TTLL11: variants seen among roughly 807,000 people sequenced by gnomAD.
The protein encoded by TTLL11 is tubulin tyrosine ligase like 11.
In TTLL11, 42 loss-of-function variants were observed where a neutral mutation model predicts 51.7. The observed-to-expected ratio is 0.81, with a 90% CI of 0.64 to 1.05. TTLL11 has a LOEUF of 1.05. Ranked by LOEUF, TTLL11 falls within the 50% of genes least tolerant of loss-of-function variation. The probability of loss-of-function intolerance (pLI) is 0.00; values close to 1 mark genes in which losing one functional copy is unlikely to be tolerated. For missense variants in TTLL11, 799 were observed against 940.4 expected (o/e 0.85, Z 1.97); for synonymous variants, 381 against 383.5 (o/e 0.99, Z 0.08).
At chr9:121,844,226 A>G (rs572815042) in intron 8 of TTLL11, among the ~76,000 whole-genome samples, 5 of 152,144 alleles carry the variant, frequency 3.3e-5, no homozygotes, top group Non-Finnish European at 5.9e-5. Flanking sequence ...GTGGATTCCA[A>G]TTGAGAGAGA....
At chr9:122,069,268 C>A (rs1467677256) in intron 1 of TTLL11, among the ~76,000 whole-genome samples, 1 of 152,136 alleles carries the variant, frequency 6.6e-6, no homozygotes, top group Admixed American at 6.5e-5. Context: ...GTGGGAGACT[C>A]CCCGAGTACT....
chr9:122,029,467 G>A (rs1245699552), intron 3 of TTLL11, among the ~76,000 whole-genome samples: 3 of 152,032 alleles, frequency 2.0e-5, no homozygotes, highest in Non-Finnish European at 2.9e-5. Context: ...CCTAGGCGAA[G>A]GTATGTGTTT....
At chr9:121,979,454 C>A (rs7855227) in intron 4 of TTLL11, among the ~76,000 whole-genome samples, 55,682 of 152,086 alleles carry the variant, frequency 0.37, 10,875 homozygotes, top group African/African-American at 0.48. Flanking sequence ...CAATAGATAA[C>A]AAATACACCA....
In TTLL11 at chr9:121,818,158, C is replaced by A. The variant is rs1836465236; in HGVS notation, c.*4429G>T. ...AGGGGTGTTGGTGAGGACTGCCCAG[C>A]CTGGTGTCCTGTCTGTGAGATTGAA... On this transcript the variant is annotated 3_prime_UTR_variant, in exon 9 of 9. Coordinates refer to ENST00000321582, the MANE Select transcript of TTLL11 (RefSeq NM_001139442.2). 1 of 152,450 alleles carries A rather than the reference C, an allele frequency of 6.6e-6. No individual in the cohort carries two copies. The highest frequency in any genetic ancestry group is 6.5e-5 in the Admixed American group (1 of 15,268). The allele number at this position is 152,450 out of a possible 1,614,324, so 9.4% of individuals were successfully genotyped here. A position where few individuals can be genotyped will look rare whatever the true frequency, so the allele number is the denominator to read the frequency against.
At chr9:121,925,339 C>T (rs1263918766) in intron 6 of TTLL11, among the ~76,000 whole-genome samples, 5 of 152,370 alleles carry the variant, frequency 3.3e-5, no homozygotes, top group African/African-American at 1.2e-4. Context: ...GAGTCCCAGG[C>T]TCCCAGGCTA....
chr9:122,015,807 C>CAAAAAAAAAAAAAAAA (rs11297849), intron 3 of TTLL11, among the ~76,000 whole-genome samples: 5 of 94,492 alleles, frequency 5.3e-5, no homozygotes, highest in African/African-American at 1.9e-4. Context: ...TCAAAAGAGA[C>CAAAAAAAAAAAAAAAA]AAAAAAAAAA....
At chr9:122,069,541 G>A (rs1273077843) in intron 1 of TTLL11, among the ~76,000 whole-genome samples, 2 of 152,188 alleles carry the variant, frequency 1.3e-5, no homozygotes, top group Non-Finnish European at 2.9e-5. Context: ...AATTATCTGG[G>A]TGTGGTGGAG....
intron 1 of TTLL11, among the ~76,000 whole-genome samples, chr9:122,066,586 A>T (rs1845590490): frequency 1.3e-5 from 2 of 152,212 alleles, no homozygotes; most frequent in Non-Finnish European, 2.9e-5. Flanking sequence ...TGGGGCCATA[A>T]CAGACATGAC....
chr9:121,880,333 C>T (rs1020453258), intron 6 of TTLL11, among the ~76,000 whole-genome samples: 10 of 152,282 alleles, frequency 6.6e-5, no homozygotes, highest in Non-Finnish European at 1.2e-4. Flanking sequence ...CCTCCCTCAT[C>T]CTCCACATCC....
intron 7 of TTLL11, among the ~76,000 whole-genome samples, chr9:121,863,800 G>A (rs945802818): frequency 5.3e-5 from 8 of 152,206 alleles, no homozygotes; most frequent in South Asian, 2.1e-4. Context: ...TCAATGAAGC[G>A]TATGCTGAGG....
At chr9:121,914,316 G>C (rs77204375) in intron 6 of TTLL11, among the ~76,000 whole-genome samples, 1 of 152,156 alleles carries the variant, frequency 6.6e-6, no homozygotes, top group Non-Finnish European at 1.5e-5. Context: ...GCCTAAGCTA[G>C]TTCCTATCAA....
At chr9:121,971,743 T>A (rs1842583370) in intron 6 of TTLL11, among the ~76,000 whole-genome samples, 1 of 55,022 alleles carries the variant, frequency 1.8e-5, no homozygotes, top group Non-Finnish European at 5.1e-5. Context: ...TCCTCTGCCT[T>A]GGGAAAAAAA....
rs189258625 is a variant in TTLL11, at chr9:122,009,799, G to T, written c.694-20029C>A. On this transcript the variant is annotated intron_variant, in intron 3 of 8. Transcript: ENST00000321582. ...TAATAGAGATGTACTAATTTCAAGG[G>T]GTTATATGAATCCATTCCATGATTT... is the stretch of plus-strand genomic sequence containing the variant. Among the ~76,000 whole-genome samples the T allele has an allele frequency of 2.7e-3, 406 of 151,782 alleles. 2 individuals are homozygous for T. The highest frequency in any genetic ancestry group is 9.3e-3 in the African/African-American group (385 of 41,426).
intron 8 of TTLL11, among the ~76,000 whole-genome samples, chr9:121,848,697 AAG>A (rs2131365636): frequency 6.6e-6 from 1 of 152,334 alleles, no homozygotes; most frequent in African/African-American, 2.4e-5. Context: ...GTATAAATCT[AAG>A]AGAATATGTG....
At chr9:122,060,025 C>T (rs1845399852) in intron 1 of TTLL11, among the ~76,000 whole-genome samples, 1 of 152,216 alleles carries the variant, frequency 6.6e-6, no homozygotes, top group African/African-American at 2.4e-5. Flanking sequence ...ATGCATCTCT[C>T]AGACTTCCTC....
At chr9:121,951,534 T>A (rs184885265) in intron 6 of TTLL11, among the ~76,000 whole-genome samples, 3 of 152,358 alleles carry the variant, frequency 2.0e-5, no homozygotes, top group Admixed American at 1.3e-4. Context: ...CTATAATTTA[T>A]GGAGCACTCA....
intron 6 of TTLL11, among the ~76,000 whole-genome samples, chr9:121,928,066 A>G (rs534524948): frequency 2.0e-5 from 3 of 152,294 alleles, no homozygotes; most frequent in South Asian, 2.1e-4. Flanking sequence ...AGGAGCCACA[A>G]TCATAAAGTA....
Position 121,853,565 on chromosome 9 carries a change from C to G in TTLL11, c.1840+6772G>C, listed in dbSNP as rs1483666560. ...GGACAGGGGTCCAGCTCTCAAGGCC[C>G]TGAAATGCGCCAATGTCCTCCCCTG... On this transcript the variant is annotated intron_variant, in intron 8 of 8. Transcript: ENST00000321582. This position sits in a 1 kb window ranked among gnomAD's most constrained non-coding sequence, Gnocchi z 5.6. 6.6e-6 allele frequency among the ~76,000 whole-genome samples: 1 copy of G among 152,128 alleles called. No individual in the cohort carries two copies. Among genetic ancestry groups the G allele is most frequent in the Non-Finnish European group, 1.5e-5 (1 of 68,022 alleles).
intron 6 of TTLL11, among the ~76,000 whole-genome samples, chr9:121,895,422 G>A (rs1258624693): frequency 6.6e-6 from 1 of 151,722 alleles, no homozygotes; most frequent in Non-Finnish European, 1.5e-5. Context: ...GCATGAGTGT[G>A]CGCTGCGTGT....
Sources: allele counts gnomAD v4.1 joint callset (sites outside exome capture counted in the v4.1 genomes callset), GRCh38; gene constraint gnomAD v4.1.1; non-coding constraint Gnocchi (gnomAD v3.1); transcripts MANE v1.5; gene names NCBI Gene and HGNC (gene_info 2026-07-23, HGNC 2026-07-21).